Variants in UBIAD1 observed in about 807,000 individuals in gnomAD.
UBIAD1 encodes ubiA prenyltransferase domain-containing protein 1.
Under a neutral mutation model 20.1 loss-of-function variants are expected in UBIAD1, and 12 were observed. The observed-to-expected ratio is 0.60, with a 90% confidence interval of 0.38 to 0.97. UBIAD1 has a LOEUF of 0.97. Ranked by LOEUF, UBIAD1 falls within the 50% of genes least tolerant of loss-of-function variation. The pLI, the probability that UBIAD1 is intolerant of heterozygous loss-of-function variation, is 0.00. For missense variants in UBIAD1, 333 were observed against 419.5 expected (o/e 0.79, Z 1.80); for synonymous variants, 207 against 189.2 (o/e 1.09, Z -0.77).
At chr1:11,290,295 G>A (rs1638348063), downstream of UBIAD1, among the ~76,000 whole-genome samples, 1 of 152,354 alleles carries the variant, frequency 6.6e-6, no homozygotes, top group Non-Finnish European at 1.5e-5. Context: ...TGTGGGGCCA[G>A]AGCCAGGGAT....
At chr1:11,278,198 T>A (rs1652122635) in intron 1 of UBIAD1, among the ~76,000 whole-genome samples, 1 of 152,176 alleles carries the variant, frequency 6.6e-6, no homozygotes. Flanking sequence ...CCTCAAGTGA[T>A]CTGCTCGCCT....
At chr1:11,295,167 AGGTAGAGATGGGGCTGCTG>A, downstream of UBIAD1, 1 of 502,580 alleles carries the variant, frequency 2.0e-6, no homozygotes, top group East Asian at 3.3e-5. Flanking sequence ...CAGAACATCA[AGGTAGAGATGGGGCTGCTG>A]GGTATCAGGA....
chr1:11,279,793 G>A (rs1036297012), intron 1 of UBIAD1, among the ~76,000 whole-genome samples: 1 of 152,208 alleles, frequency 6.6e-6, no homozygotes, highest in Non-Finnish European at 1.5e-5. Flanking sequence ...AGAAGCCTGG[G>A]CTAGAGATTA....
chr1:11,280,392 T>C (rs1392890689), intron 1 of UBIAD1, among the ~76,000 whole-genome samples: 2 of 152,166 alleles, frequency 1.3e-5, no homozygotes, highest in Non-Finnish European at 1.5e-5. Flanking sequence ...CTTTTCTCTA[T>C]CTCCATGTAC....
chr1:11,292,751 G>A (rs1345572309), downstream of UBIAD1, among the ~76,000 whole-genome samples: 2 of 151,954 alleles, frequency 1.3e-5, no homozygotes, highest in African/African-American at 4.8e-5. Flanking sequence ...CTTGAAGTGA[G>A]AGGGATGACA....
At chr1:11,281,541 A>G (rs1319494963) in intron 1 of UBIAD1, among the ~76,000 whole-genome samples, 1 of 152,172 alleles carries the variant, frequency 6.6e-6, no homozygotes, top group Admixed American at 6.5e-5. Flanking sequence ...CTGGTTTAAG[A>G]TTTTTTAAAC....
intron 1 of UBIAD1, chr1:11,278,663 T>C (rs1652140527): frequency 6.8e-7 from 1 of 1,477,064 alleles, no homozygotes. Flanking sequence ...CATATTTTCT[T>C]TGGACATCAT....
intron 1 of UBIAD1, among the ~76,000 whole-genome samples, chr1:11,274,381 C>T (rs1196091162): frequency 6.6e-6 from 1 of 152,184 alleles, no homozygotes; most frequent in Non-Finnish European, 1.5e-5. Flanking sequence ...CCACTGCAGC[C>T]TCTGCCTCCC....
rs1333765225 is a variant in UBIAD1, at chr1:11,286,028, T to C, written c.914T>C (p.Phe305Ser). 2 of 1,614,076 alleles carry C rather than the reference T, an allele frequency of 1.2e-6. No homozygotes were observed. Among genetic ancestry groups the C allele is most frequent in the Non-Finnish European group, 1.7e-6 (2 of 1,180,016 alleles). The part of the protein sequence containing the change: ...SLERQFRSQA[F>S]NKLPQRTAKL... ...GAGAGACAGTTTCGAAGCCAGGCCT[T>C]CAACAAACTGCCCCAGAGGACTGCC... is the stretch of plus-strand genomic sequence containing the variant. Residue 305 changes from phenylalanine (F) to serine (S), a missense_variant, in exon 2 of 2, where the codon TTC (phenylalanine) becomes TCC (serine). Phe to Ser is a radical substitution (Grantham distance 155). This residue lies in a region of UBIAD1 where 226 missense variants were observed against 263.5 expected (regional missense o/e 0.86). Coordinates refer to ENST00000376810, the MANE Select transcript of UBIAD1 (RefSeq NM_013319.3).
Position 11,288,221 on chromosome 1 carries a change from C to A in UBIAD1, c.*2090C>A, listed in dbSNP as rs193055719. 2.6e-5 allele frequency: 4 copies of A among 152,196 alleles called. No homozygotes were observed. Among genetic ancestry groups the A allele is most frequent in the African/African-American group, 9.7e-5 (4 of 41,450 alleles). 9.4% of individuals were successfully genotyped at this position (152,196 alleles called of 1,614,324 possible). A position where few individuals can be genotyped will look rare whatever the true frequency, so the allele number is the denominator to read the frequency against. On this transcript the variant is annotated 3_prime_UTR_variant, in exon 2 of 2. Transcript: ENST00000376810. ...AAGGGCTCCCTGCGTCCACGGACCA[C>A]GTATGCCTTGGTGGTCACTCCCATC...
At chr1:11,289,209 A>G (rs1482855542), downstream of UBIAD1, among the ~76,000 whole-genome samples, 1 of 152,240 alleles carries the variant, frequency 6.6e-6, no homozygotes, top group Non-Finnish European at 1.5e-5. Context: ...TCAGCATGTC[A>G]GTGGCAGCTG....
chr1:11,277,643 C>T (rs1357519660), intron 1 of UBIAD1, among the ~76,000 whole-genome samples: 1 of 151,986 alleles, frequency 6.6e-6, no homozygotes, highest in Non-Finnish European at 1.5e-5. Flanking sequence ...TAAAGCATGC[C>T]ATTTCTGTTT....
rs371649705 is a variant in UBIAD1, at chr1:11,285,854, C to T, written c.740C>T (p.Thr247Met). The T allele has an allele frequency of 8.7e-6, 14 of 1,614,208 alleles. No individual in the cohort carries two copies. Among genetic ancestry groups the T allele is most frequent in the African/African-American group, 2.7e-5 (2 of 75,056 alleles). Residue 247 changes from threonine (T) to methionine (M), a missense_variant, in exon 2 of 2, where the codon ACG (threonine) becomes ATG (methionine). Physicochemically the swap from Thr to Met is moderately conservative, Grantham distance 81. Transcript: ENST00000376810. This position sits in a 1 kb window ranked among gnomAD's most constrained non-coding sequence, Gnocchi z 4.4. ...TCCGACCGGGAGGCTGGTATCGTCA[C>T]GCTGGCCATCCTCATCGGCCCCACG... Reference protein sequence around the residue: ...MESDREAGIVTLAILIGPTFS... With the variant: ...MESDREAGIVMLAILIGPTFS...
downstream of UBIAD1, among the ~76,000 whole-genome samples, chr1:11,297,703 C>T (rs962725150): frequency 1.1e-4 from 17 of 152,248 alleles, no homozygotes; most frequent in Non-Finnish European, 2.1e-4. Context: ...ACTTCTCATT[C>T]GAATGCTTCA....
intron 1 of UBIAD1, among the ~76,000 whole-genome samples, chr1:11,275,654 G>T (rs1651995707): frequency 6.6e-6 from 1 of 152,156 alleles, no homozygotes; most frequent in Non-Finnish European, 1.5e-5. Flanking sequence ...TGAGGCGGGA[G>T]AATTGCTTGA....
chr1:11,295,760 C>A (rs948116200), downstream of UBIAD1: 1 of 152,314 alleles, frequency 6.6e-6, no homozygotes, highest in Non-Finnish European at 1.5e-5. Flanking sequence ...CCAGCTGACA[C>A]TTGCCTTGGC....
At position 11,285,682 on chromosome 1, in the gene UBIAD1, A is replaced by G. The variant is rs1638250029; in HGVS notation, c.568A>G (p.Ile190Val). The change falls in exon 2 of 2, where the codon ATC (isoleucine) becomes GTC (valine). Residue 190 changes from isoleucine to valine, a missense_variant. Physicochemically the swap from Ile to Val is conservative, Grantham distance 29. Transcript: ENST00000376810. This position sits in a 1 kb window ranked among gnomAD's most constrained non-coding sequence, Gnocchi z 4.4. ...GTACGTGGCTCTGGGAGACCTCATC[A>G]TCCTCATCACTTTTGGCCCGCTGGC... ...FKYVALGDLI[I>V]LITFGPLAVM... 1 of 1,614,118 alleles carries G rather than the reference A, an allele frequency of 6.2e-7. No homozygotes were observed. Among genetic ancestry groups the G allele is most frequent in the Non-Finnish European group, 8.5e-7 (1 of 1,180,032 alleles).
downstream of UBIAD1, among the ~76,000 whole-genome samples, chr1:11,290,572 G>A (rs1430152857): frequency 1.3e-5 from 2 of 152,210 alleles, no homozygotes; most frequent in African/African-American, 2.4e-5. Context: ...GGACCTTTGT[G>A]CTGAATCCCA....
At chr1:11,281,589 A>T (rs987005562) in intron 1 of UBIAD1, among the ~76,000 whole-genome samples, 4 of 152,202 alleles carry the variant, frequency 2.6e-5, no homozygotes, top group Admixed American at 6.5e-5. Flanking sequence ...ACACAGTGAA[A>T]TGCACAGGTT....
Sources: allele counts gnomAD v4.1 joint callset (sites outside exome capture counted in the v4.1 genomes callset), GRCh38; gene constraint gnomAD v4.1.1; regional missense constraint gnomAD v4.1.1; non-coding constraint Gnocchi (gnomAD v3.1); transcripts MANE v1.5; gene names NCBI Gene and HGNC (gene_info 2026-07-23, HGNC 2026-07-21).